Variants in KIAA0408 observed in about 807,000 individuals in gnomAD.
The protein encoded by KIAA0408 is KIAA0408.
In KIAA0408, 51 loss-of-function variants were observed where a neutral mutation model predicts 60.9. The ratio of observed to expected loss-of-function variants is 0.84; its 90% CI spans 0.67 to 1.06. The LOEUF is 1.06. Ranked by LOEUF, KIAA0408 falls within the 50% of genes least tolerant of loss-of-function variation. The pLI is 0.00. For synonymous variants in KIAA0408, 304 were observed against 282.4 expected (o/e 1.08, Z -0.77); for missense variants, 787 against 833.9 (o/e 0.94, Z 0.69).
intron 1 of KIAA0408, among the ~76,000 whole-genome samples, chr6:127,457,378 C>T (rs978494037): frequency 2.0e-5 from 3 of 152,172 alleles, no homozygotes; most frequent in East Asian, 1.9e-4. Flanking sequence ...AGTTGTCACT[C>T]ATTTTCTCCC....
rs1438342687 is a variant in KIAA0408, at chr6:127,439,409, CAG to C, written c.*4698_*4699del. On this transcript the variant is annotated 3_prime_UTR_variant, in exon 6 of 6. Transcript: ENST00000483725. The stretch of plus-strand genomic sequence containing the variant: ...CCTACATACAAAATTTATATAAAAT[CAG>C]AGCATAGGCATTAAAAGTGGAAATA... The C allele has an allele frequency of 6.6e-6, 1 of 152,112 alleles. No homozygotes were observed. The highest frequency in any genetic ancestry group is 1.5e-5 in the Non-Finnish European group (1 of 68,020). 9.4% of individuals were successfully genotyped at this position (152,112 alleles called of 1,614,324 possible).
In KIAA0408 at chr6:127,458,773, G is replaced by T. The variant is rs576923369; in HGVS notation, c.-121+402C>A. On this transcript the variant is annotated intron_variant, in intron 1 of 5. Coordinates refer to ENST00000483725, the MANE Select transcript of KIAA0408 (RefSeq NM_014702.5). ...GCAATTTTCAAATACCAAGTCTCCA[G>T]GATTGTGACCTTTAATTTGCAAATG... Among the ~76,000 whole-genome samples the T allele has an allele frequency of 1.2e-4, 18 of 152,174 alleles. No homozygotes were observed. The South Asian group carries it at 3.7e-3, about 32-fold the overall frequency.
At chr6:127,453,824 A>AT in intron 2 of KIAA0408, 23 bp downstream of exon 2, 1 of 1,608,710 alleles carries the variant, frequency 6.2e-7, no homozygotes. Context: ...ATTACAGTAT[A>AT]TCCAAAACAA....
chr6:127,439,120 G>T lies in KIAA0408; in HGVS notation c.*4989C>A. The T allele has an allele frequency of 6.0e-6, 1 of 166,292 alleles. No homozygotes were observed. The highest frequency in any genetic ancestry group is 1.8e-4 in the South Asian group (1 of 5,634). 10.3% of individuals were successfully genotyped at this position (166,292 alleles called of 1,614,324 possible). A position where few individuals can be genotyped will look rare whatever the true frequency, so the allele number is the denominator to read the frequency against. Reference sequence around the variant, plus strand: ...CAGACACCGAATCTGCTTGCAGCTTGATCTTGGACTTCCCAGCCTCCAGAA... The same window carrying T: ...CAGACACCGAATCTGCTTGCAGCTTTATCTTGGACTTCCCAGCCTCCAGAA... On this transcript the variant is annotated 3_prime_UTR_variant, in exon 6 of 6. Transcript: ENST00000483725.
Position 127,447,041 on chromosome 6 carries a change from A to T in KIAA0408, c.1278T>A (p.Ser426Arg). The change falls in exon 5 of 6, where the codon AGT becomes AGA. Residue 426 changes from serine to arginine, a missense_variant. By Grantham distance (110) the Ser-to-Arg change is moderately radical. This residue lies in a region of KIAA0408 where 640 missense variants were observed against 681.3 expected (regional missense o/e 0.94). Transcript: ENST00000483725. ...AESSSPLRNF[S>R]CGFERTTRNE... ...TCCTTGTAGTCCTTTCAAAGCCACA[A>T]CTGAAATTTCTAAGTGGGCTACTGC... 2 of 1,613,368 alleles carry T rather than the reference A, an allele frequency of 1.2e-6. No individual in the cohort carries two copies. Among genetic ancestry groups the T allele is most frequent in the Non-Finnish European group, 1.7e-6 (2 of 1,179,790 alleles).
In KIAA0408 at chr6:127,446,805, A is replaced by T; in HGVS notation, c.1514T>A (p.Met505Lys). The T allele has an allele frequency of 1.2e-6, 2 of 1,613,870 alleles. No individual in the cohort carries two copies. The change falls in exon 5 of 6, where the codon ATG becomes AAG. Residue 505 changes from methionine (M) to lysine (K), a missense_variant. Met to Lys is a moderately conservative substitution (Grantham distance 95). This residue lies in a region of KIAA0408 where 640 missense variants were observed against 681.3 expected (regional missense o/e 0.94). Coordinates refer to ENST00000483725, the MANE Select transcript of KIAA0408 (RefSeq NM_014702.5). ...GGTGGGATTATCAGGCACATTTTCCATGGGCACAGGCATGTGGGCATTGGT... is the reference window on the plus strand; with the variant it reads ...GGTGGGATTATCAGGCACATTTTCCTTGGGCACAGGCATGTGGGCATTGGT... ...WKTNAHMPVP[M>K]ENVPDNPTKK...
At chr6:127,445,911 T>A (rs2114790374) in intron 5 of KIAA0408, among the ~76,000 whole-genome samples, 1 of 152,278 alleles carries the variant, frequency 6.6e-6, no homozygotes, top group East Asian at 1.9e-4. Context: ...TAGGCACTGT[T>A]TTAAATGATG....
In KIAA0408 at chr6:127,447,448, C is replaced by A; in HGVS notation, c.871G>T (p.Glu291Ter). 6.2e-7 allele frequency: 1 copy of A among 1,613,958 alleles called. No homozygotes were observed. The highest frequency in any genetic ancestry group is 1.1e-5 in the South Asian group (1 of 91,046). ...ACCCAGCTGTTGTGGTCTAACCTTT[C>A]CTTCCATCTTTCATAGGCTTGTTCA... ...DSEQAYERWKERLDHNSWVPH... is the reference protein window; with the variant it reads ...DSEQAYERWK Residue 291 changes from glutamate to a stop codon, truncating the protein, a stop_gained, in exon 5 of 6, where the codon GAA becomes TAA. Transcript: ENST00000483725. LOFTEE classifies it high-confidence loss of function.
chr6:127,451,282 C>T (rs780123342), intron 2 of KIAA0408: 14 of 455,248 alleles, frequency 3.1e-5, no homozygotes, highest in Non-Finnish European at 5.3e-5. Context: ...TAATACATAC[C>T]GATAACTCAG....
intron 2 of KIAA0408, among the ~76,000 whole-genome samples, chr6:127,452,845 A>G (rs990133694): frequency 2.6e-5 from 4 of 152,094 alleles, no homozygotes; most frequent in Non-Finnish European, 5.9e-5. Context: ...CTATAGAGGG[A>G]CAAGAAGTAT....
At chr6:127,457,669 T>C (rs1343503794) in intron 1 of KIAA0408, among the ~76,000 whole-genome samples, 1 of 152,228 alleles carries the variant, frequency 6.6e-6, no homozygotes, top group Non-Finnish European at 1.5e-5. Flanking sequence ...ATAAGTATGG[T>C]GATGGGAGGC....
chr6:127,453,642 C>T (rs183097198), intron 2 of KIAA0408, among the ~76,000 whole-genome samples: 280 of 152,084 alleles, frequency 1.8e-3, no homozygotes, highest in African/African-American at 6.6e-3. Context: ...ATTTCAAATG[C>T]TTAATTTTCA....
chr6:127,445,606 C>A (rs1773177862), intron 5 of KIAA0408, among the ~76,000 whole-genome samples: 1 of 152,128 alleles, frequency 6.6e-6, no homozygotes. Context: ...TGGTTAATAA[C>A]AACAATATGT....
Position 127,444,133 on chromosome 6 carries a change from C to G in KIAA0408, c.2061G>C (p.Leu687=). The part of the protein sequence containing the change: ...RRTTHNYTIS[L]RSEALMV ...CTTAAACCATCAATGCTTCGGATCG[C>G]AGAGAAATGGTATAGTTGTGGGTAG... The change falls in exon 6 of 6, where the codon CTG becomes CTC. Residue 687 remains leucine (L), a synonymous_variant. Transcript: ENST00000483725. 6.2e-7 allele frequency: 1 copy of G among 1,613,948 alleles called. No homozygotes were observed. Among genetic ancestry groups the G allele is most frequent in the Non-Finnish European group, 8.5e-7 (1 of 1,179,954 alleles).
intron 2 of KIAA0408, chr6:127,451,372 T>C (rs1194743784): frequency 1.5e-5 from 7 of 451,664 alleles, no homozygotes; most frequent in Admixed American, 1.4e-4. Context: ...TATTAGTATT[T>C]ATTGTATGAA....
intron 5 of KIAA0408, among the ~76,000 whole-genome samples, chr6:127,446,089 A>T (rs1229118736): frequency 6.6e-6 from 1 of 152,214 alleles, no homozygotes; most frequent in African/African-American, 2.4e-5. Context: ...AAATTCTATA[A>T]ATTGAGTAAT....
rs1276184670 is a variant in KIAA0408, at chr6:127,442,764, TTAAA to T, written c.*1341_*1344del. ...AAGAATTTCTTAGTAAAAGAAAAGCTTAAATAGAGTTAATATCTAATAACATAAC... is the reference window on the plus strand; with the variant it reads ...AAGAATTTCTTAGTAAAAGAAAAGCTTAGAGTTAATATCTAATAACATAAC... On this transcript the variant is annotated 3_prime_UTR_variant, in exon 6 of 6. Coordinates refer to ENST00000483725, the MANE Select transcript of KIAA0408 (RefSeq NM_014702.5). 5 of 152,238 alleles carry T rather than the reference TTAAA, an allele frequency of 3.3e-5. No homozygotes were observed. The highest frequency in any genetic ancestry group is 1.2e-4 in the African/African-American group (5 of 41,466). 9.4% of individuals were successfully genotyped at this position (152,238 alleles called of 1,614,324 possible).
In KIAA0408 at chr6:127,440,781, CTT is replaced by C. The variant is rs1319589137; in HGVS notation, c.*3326_*3327del. 2 of 152,134 alleles carry C rather than the reference CTT, an allele frequency of 1.3e-5. No homozygotes were observed. The highest frequency in any genetic ancestry group is 2.9e-5 in the Non-Finnish European group (2 of 67,996). The allele number at this position is 152,134 out of a possible 1,614,324, so 9.4% of individuals were successfully genotyped here. On this transcript the variant is annotated 3_prime_UTR_variant, in exon 6 of 6. Transcript: ENST00000483725. ...AAGTAAAAACTTTTTTCAAAGAAGA[CTT>C]TTATCAGACTCAATTAGCAGTTAAA...
rs1773150709 is a variant in KIAA0408 at position 127,444,232 on chromosome 6, A to G, written c.1962T>C (p.Ala654=). ...ASHGKGFSRP[A]RPANRRLPSR... ...AGGGGAGACGACGATTTGCTGGTCT[A>G]GCAGGTCGGGAAAATCCTTTTCCAT... Residue 654 remains alanine (A), a synonymous_variant, in exon 6 of 6, where the codon GCT becomes GCC. Coordinates refer to ENST00000483725, the MANE Select transcript of KIAA0408 (RefSeq NM_014702.5). 1.2e-6 allele frequency: 2 copies of G among 1,612,004 alleles called. No homozygotes were observed. Among genetic ancestry groups the G allele is most frequent in the Middle Eastern group, 1.7e-4 (1 of 6,042 alleles).
Sources: gnomAD v4.1 joint callset for allele counts (sites outside exome capture counted in the v4.1 genomes callset) on GRCh38, gnomAD v4.1.1 for gene constraint, gnomAD v4.1.1 regional missense constraint, MANE v1.5 for transcripts, NCBI Gene and HGNC (gene_info 2026-07-23, HGNC 2026-07-21) for gene names.